LRRC7: variants seen among roughly 807,000 people sequenced by gnomAD.
LRRC7 encodes leucine rich repeat containing 7.
Under a neutral mutation model 175.7 loss-of-function variants are expected in LRRC7, and 23 were observed. That is an observed-to-expected ratio of 0.13 (90% CI 0.09 to 0.19). The LOEUF is 0.19. Among genes scored for constraint, LRRC7 ranks in the 10% least tolerant of loss-of-function variants. The pLI is 1.00. For synonymous variants in LRRC7, 685 were observed against 680.9 expected (o/e 1.01, Z -0.09); for missense variants, 1,354 against 1,904.7 (o/e 0.71, Z 5.38).
intron 7 of LRRC7, among the ~76,000 whole-genome samples, chr1:69,928,064 G>T (rs146491071): frequency 0.012 from 1,893 of 152,218 alleles, 35 homozygotes; most frequent in African/African-American, 0.043. Flanking sequence ...TTTGCTAGAG[G>T]TCCACACGAG....
At chr1:69,862,019 G>A (rs750582356) in intron 7 of LRRC7, among the ~76,000 whole-genome samples, 63 of 152,204 alleles carry the variant, frequency 4.1e-4, no homozygotes, top group Admixed American at 1.1e-3. Context: ...TCAGATCCAC[G>A]GTAGCTGTGT....
At chr1:69,927,006 G>A (rs1218703246) in intron 7 of LRRC7, among the ~76,000 whole-genome samples, 1 of 152,124 alleles carries the variant, frequency 6.6e-6, no homozygotes. Flanking sequence ...AGGCCTGGTG[G>A]TGACAAAATC....
At chr1:69,874,061 T>C (rs1023906063) in intron 7 of LRRC7, 3 of 152,156 alleles carry the variant, frequency 2.0e-5, no homozygotes, top group African/African-American at 7.2e-5. Flanking sequence ...GGACTTATTT[T>C]GCAAAGTTCC....
At chr1:69,738,925 G>C (rs1000521606) in intron 2 of LRRC7, among the ~76,000 whole-genome samples, 2 of 152,044 alleles carry the variant, frequency 1.3e-5, no homozygotes, top group Non-Finnish European at 2.9e-5. Flanking sequence ...CCTAGAAAAA[G>C]ATGGCCAAGT....
chr1:69,776,547 T>G (rs949878339), intron 3 of LRRC7, among the ~76,000 whole-genome samples: 16 of 152,192 alleles, frequency 1.1e-4, no homozygotes, highest in African/African-American at 3.4e-4. Context: ...AATTTGTTGT[T>G]TCTATAACGA....
chr1:70,091,457 C>A (rs545769333), intron 25 of LRRC7, among the ~76,000 whole-genome samples: 1 of 152,186 alleles, frequency 6.6e-6, no homozygotes, highest in Non-Finnish European at 1.5e-5. Context: ...AAATTCAAGA[C>A]ATATTTTTCT....
At chr1:69,754,009 A>G (rs1261442949) in intron 2 of LRRC7, among the ~76,000 whole-genome samples, 1 of 152,092 alleles carries the variant, frequency 6.6e-6, no homozygotes, top group Non-Finnish European at 1.5e-5. Flanking sequence ...TCTTAAAAAT[A>G]CAAAGGAAGC....
chr1:69,981,958 A>G (rs907185228), intron 9 of LRRC7, among the ~76,000 whole-genome samples: 1 of 152,254 alleles, frequency 6.6e-6, no homozygotes, highest in African/African-American at 2.4e-5. Context: ...CTGGCCCAAG[A>G]TAACACAGCC....
intron 7 of LRRC7, among the ~76,000 whole-genome samples, chr1:69,906,419 C>G (rs1460801349): frequency 6.6e-6 from 1 of 152,184 alleles, no homozygotes; most frequent in East Asian, 1.9e-4. Context: ...TTCAATCCAT[C>G]TTGAATTAAT....
At chr1:69,670,243 C>T (rs1319628032) in intron 1 of LRRC7, among the ~76,000 whole-genome samples, 10 of 152,134 alleles carry the variant, frequency 6.6e-5, no homozygotes, top group Non-Finnish European at 1.5e-4. Flanking sequence ...TCAAGGTATT[C>T]AAAAGGACAT....
chr1:69,568,632 C>G lies in LRRC7; in HGVS notation c.-8C>G, dbSNP rs746418669. The stretch of plus-strand genomic sequence containing the variant: ...CCGAAACCTCATGGGCAGTTTCTCC[C>G]GCCGGCGATGTGAGTAAGGCACGCT... On this transcript the variant is annotated 5_prime_UTR_variant, in exon 1 of 27. Coordinates refer to ENST00000651989, the MANE Select transcript of LRRC7 (RefSeq NM_001370785.2). 1.5e-6 allele frequency: 2 copies of G among 1,352,134 alleles called. No individual in the cohort carries two copies. The highest frequency in any genetic ancestry group is 2.0e-5 in the Admixed American group (1 of 51,014). 83.8% of individuals were successfully genotyped at this position (1,352,134 alleles called of 1,614,324 possible). A position where few individuals can be genotyped will look rare whatever the true frequency, so the allele number is the denominator to read the frequency against.
intron 1 of LRRC7, among the ~76,000 whole-genome samples, chr1:69,666,810 A>G (rs1398013870): frequency 1.3e-5 from 2 of 151,798 alleles, no homozygotes; most frequent in Non-Finnish European, 2.9e-5. Flanking sequence ...AAATTCATTA[A>G]TTTTAGTCTG....
intron 1 of LRRC7, among the ~76,000 whole-genome samples, chr1:69,619,559 C>T (rs1045940692): frequency 6.6e-6 from 1 of 152,096 alleles, no homozygotes; most frequent in African/African-American, 2.4e-5. Flanking sequence ...TTTTTCCCCT[C>T]GGAAATACTA....
At chr1:70,062,658 C>G (rs1661673382) in intron 23 of LRRC7, among the ~76,000 whole-genome samples, 1 of 151,992 alleles carries the variant, frequency 6.6e-6, no homozygotes, top group Admixed American at 6.6e-5. Flanking sequence ...TAAGACCTTT[C>G]AGAGGCAGCT....
chr1:69,887,097 T>G (rs1223106010), intron 7 of LRRC7, among the ~76,000 whole-genome samples: 3 of 139,724 alleles, frequency 2.1e-5, no homozygotes, highest in African/African-American at 8.1e-5. Flanking sequence ...TTATGTGTCT[T>G]GGAGTTGCTC....
rs575634994 is a variant in LRRC7, at chr1:69,826,844, G to A, written c.500+1018G>A. On this transcript the variant is annotated intron_variant, in intron 5 of 26. Transcript: ENST00000651989. ...GAAGTTGATGGGAAATTTTATACCA[G>A]TAGAGTTGAGGAGAGGGAGTAGTGA... Among the ~76,000 whole-genome samples, 7 of 152,190 alleles carry A rather than the reference G, an allele frequency of 4.6e-5. No individual in the cohort carries two copies. The South Asian group carries it at 1.5e-3, about 32-fold the overall frequency.
chr1:69,938,726 A>G (rs1648308354), intron 8 of LRRC7, among the ~76,000 whole-genome samples: 1 of 151,924 alleles, frequency 6.6e-6, no homozygotes, highest in East Asian at 1.9e-4. Flanking sequence ...CTCATTTTTA[A>G]TTACCTAAAA....
chr1:69,848,410 T>G (rs1467050635), intron 7 of LRRC7, among the ~76,000 whole-genome samples: 1 of 152,138 alleles, frequency 6.6e-6, no homozygotes, highest in Admixed American at 6.6e-5. Context: ...CAGGCTCTCT[T>G]CTATGATATT....
chr1:69,703,190 T>C, intron 2 of LRRC7, among the ~76,000 whole-genome samples: 1 of 152,104 alleles, frequency 6.6e-6, no homozygotes, highest in Non-Finnish European at 1.5e-5. Flanking sequence ...TTTTACCTTG[T>C]CCTGACTTAT....
Sources: gnomAD v4.1 joint callset for allele counts (sites outside exome capture counted in the v4.1 genomes callset) on GRCh38, gnomAD v4.1.1 for gene constraint, MANE v1.5 for transcripts, NCBI Gene and HGNC (gene_info 2026-07-23, HGNC 2026-07-21) for gene names.